Variants in IP6K1 observed in about 807,000 individuals in gnomAD.
The protein encoded by IP6K1 is inositol hexakisphosphate kinase 1.
In IP6K1, 13 loss-of-function variants were observed where a neutral mutation model predicts 38.3. The ratio of observed to expected loss-of-function variants is 0.34; its 90% CI spans 0.22 to 0.54. The LOEUF is 0.54. Among genes scored for constraint, IP6K1 ranks in the 20% least tolerant of loss-of-function variants. The probability of loss-of-function intolerance (pLI) is 0.92; values close to 1 mark genes in which losing one functional copy is unlikely to be tolerated. For synonymous variants in IP6K1, 212 were observed against 229.9 expected, an observed-to-expected ratio of 0.92 and a Z score of 0.70; for missense variants, 397 against 599.8, an observed-to-expected ratio of 0.66 and a Z score of 3.53.
At chr3:49,733,355 G>A (rs1020672385) in intron 3 of IP6K1, among the ~76,000 whole-genome samples, 1 of 152,150 alleles carries the variant, frequency 6.6e-6, no homozygotes, top group African/African-American at 2.4e-5. Context: ...AAACAGTTTG[G>A]TGGTTTCTCA....
chr3:49,750,717 T>A (rs1228887943), intron 1 of IP6K1, among the ~76,000 whole-genome samples: 1 of 150,808 alleles, frequency 6.6e-6, no homozygotes, highest in Admixed American at 6.6e-5. Flanking sequence ...AAAAAAAAAA[T>A]TGAAATAGCC....
intron 1 of IP6K1, among the ~76,000 whole-genome samples, chr3:49,750,884 AAGAGT>A (rs2080768718): frequency 6.6e-6 from 1 of 152,164 alleles, no homozygotes; most frequent in African/African-American, 2.4e-5. Context: ...ATAGTCTCCT[AAGAGT>A]AAATATACCA....
At chr3:49,740,856 CTT>C (rs557851334) in intron 2 of IP6K1, among the ~76,000 whole-genome samples, 15 of 138,836 alleles carry the variant, frequency 1.1e-4, no homozygotes, top group Admixed American at 1.4e-4. Context: ...TTTCTTTTTT[CTT>C]TTTTTTTTTT....
chr3:49,776,517 A>AAG (rs2081010002), intron 1 of IP6K1, among the ~76,000 whole-genome samples: 1 of 138,124 alleles, frequency 7.2e-6, no homozygotes, highest in Non-Finnish European at 1.6e-5. Flanking sequence ...ACTCAGTCTC[A>AAG]GTAAAAAAAA....
Position 49,727,510 on chromosome 3 carries a change from C to T in IP6K1, c.938G>A (p.Ser313Asn), listed in dbSNP as rs1212146529. 1 of 1,614,086 alleles carries T rather than the reference C, an allele frequency of 6.2e-7. No homozygotes were observed. The highest frequency in any genetic ancestry group is 8.5e-7 in the Non-Finnish European group (1 of 1,180,044). ...CACAGCTTTCAGGCCCCGCAGTTTG[C>T]TCAGGATAGGCTCAAACAGGTCACG... is the stretch of plus-strand genomic sequence containing the variant. The part of the protein sequence containing the change: ...LRRDLFEPIL[S>N]KLRGLKAVLE... Residue 313 changes from serine to asparagine, a missense_variant, in exon 6 of 6, where the codon AGC becomes AAC. Around this residue, in one of 3 missense-constraint regions of IP6K1, gnomAD observed 164 missense variants for 213.5 expected, o/e 0.77. Transcript: ENST00000321599. The surrounding 1 kb of genome is among the most constrained non-coding windows in gnomAD (Gnocchi z 5.9).
chr3:49,726,084 A>T lies in IP6K1; in HGVS notation c.*1038T>A, dbSNP rs2080499217. Reference sequence around the variant, plus strand: ...GATCAGACAAAGCTCTCATTAGCAGAATGTGGGCACCTGCACCCAGGGCCC... The same window carrying T: ...GATCAGACAAAGCTCTCATTAGCAGTATGTGGGCACCTGCACCCAGGGCCC... On this transcript the variant is annotated 3_prime_UTR_variant, in exon 6 of 6. Coordinates refer to ENST00000321599, the MANE Select transcript of IP6K1 (RefSeq NM_153273.4). 1 of 152,510 alleles carries T rather than the reference A, an allele frequency of 6.6e-6. No individual in the cohort carries two copies. Among genetic ancestry groups the T allele is most frequent in the Non-Finnish European group, 1.5e-5 (1 of 68,078 alleles). 9.4% of individuals were successfully genotyped at this position (152,510 alleles called of 1,614,324 possible). A position where few individuals can be genotyped will look rare whatever the true frequency, so the allele number is the denominator to read the frequency against.
At chr3:49,739,691 AG>A (rs1311066677) in intron 2 of IP6K1, among the ~76,000 whole-genome samples, 1 of 151,848 alleles carries the variant, frequency 6.6e-6, no homozygotes, top group Non-Finnish European at 1.5e-5. Context: ...CTTAAGAGAC[AG>A]GGTCCCATTG....
At chr3:49,785,115 T>C (rs537346636) in intron 1 of IP6K1, among the ~76,000 whole-genome samples, 1 of 152,306 alleles carries the variant, frequency 6.6e-6, no homozygotes, top group African/African-American at 2.4e-5. Context: ...GAACTCTTCC[T>C]AGACCTGCAC....
At chr3:49,769,820 G>A (rs2080942850) in intron 1 of IP6K1, among the ~76,000 whole-genome samples, 1 of 152,146 alleles carries the variant, frequency 6.6e-6, no homozygotes, top group African/African-American at 2.4e-5. Flanking sequence ...CTTTAAAGTA[G>A]GGAAAATTTA....
intron 1 of IP6K1, among the ~76,000 whole-genome samples, chr3:49,771,326 T>G (rs763629236): frequency 4.6e-5 from 7 of 151,534 alleles, no homozygotes; most frequent in South Asian, 2.1e-4. Context: ...AGGGAGGCCC[T>G]ATCTCTAAAA....
intron 1 of IP6K1, among the ~76,000 whole-genome samples, chr3:49,773,812 G>A (rs1174183334): frequency 6.6e-6 from 1 of 152,048 alleles, no homozygotes; most frequent in Non-Finnish European, 1.5e-5. Context: ...CATGCTGCTT[G>A]ACCCTGATCC....
intron 1 of IP6K1, among the ~76,000 whole-genome samples, chr3:49,784,596 G>A (rs1380004633): frequency 6.7e-6 from 1 of 149,972 alleles, no homozygotes; most frequent in Non-Finnish European, 1.5e-5. Flanking sequence ...AGTCAGCTGA[G>A]ATTGTGCCAT....
chr3:49,779,417 C>G (rs1443210462), intron 1 of IP6K1, among the ~76,000 whole-genome samples: 1 of 152,090 alleles, frequency 6.6e-6, no homozygotes, highest in Non-Finnish European at 1.5e-5. Context: ...AATAATGCTG[C>G]CATAAACATT....
intron 4 of IP6K1, among the ~76,000 whole-genome samples, chr3:49,730,550 C>A (rs1348213081): frequency 1.3e-5 from 2 of 151,998 alleles, no homozygotes; most frequent in East Asian, 1.9e-4. Context: ...ATTTACATTT[C>A]TTTTCTTTTT....
At chr3:49,744,358 C>T (rs1284372715) in intron 2 of IP6K1, among the ~76,000 whole-genome samples, 1 of 136,582 alleles carries the variant, frequency 7.3e-6, no homozygotes, top group African/African-American at 2.8e-5. Context: ...GGCGAGACTG[C>T]GCCACTGCAC....
intron 1 of IP6K1, among the ~76,000 whole-genome samples, chr3:49,774,682 C>T: frequency 6.6e-6 from 1 of 152,164 alleles, no homozygotes; most frequent in East Asian, 1.9e-4. Flanking sequence ...AACAAAAGCA[C>T]TGTCTGTGGC....
chr3:49,763,083 C>A (rs1487780759), intron 1 of IP6K1, among the ~76,000 whole-genome samples: 1 of 151,846 alleles, frequency 6.6e-6, no homozygotes, highest in Non-Finnish European at 1.5e-5. Context: ...AGCCACCATG[C>A]CTGGCCAAGG....
chr3:49,783,131 A>G (rs2081081619), intron 1 of IP6K1, among the ~76,000 whole-genome samples: 1 of 147,390 alleles, frequency 6.8e-6, no homozygotes, highest in Non-Finnish European at 1.5e-5. Context: ...AAAAAAAAAA[A>G]AGGCCAGGCA....
At chr3:49,772,457 CA>C (rs1190395863) in intron 1 of IP6K1, among the ~76,000 whole-genome samples, 1 of 151,880 alleles carries the variant, frequency 6.6e-6, no homozygotes, top group Admixed American at 6.6e-5. Flanking sequence ...GGCTAAAGTG[CA>C]GTGGCACGAT....
Sources: gnomAD v4.1 joint callset for allele counts (sites outside exome capture counted in the v4.1 genomes callset) on GRCh38, gnomAD v4.1.1 for gene constraint, gnomAD v4.1.1 regional missense constraint, Gnocchi (gnomAD v3.1) non-coding constraint, MANE v1.5 for transcripts, NCBI Gene and HGNC (gene_info 2026-07-23, HGNC 2026-07-21) for gene names.